CFAP58: variants seen among roughly 807,000 people sequenced by gnomAD.
CFAP58 encodes the protein cilia and flagella associated protein 58, also known as cilia- and flagella-associated protein 58.
In CFAP58, 88 loss-of-function variants were observed where a neutral mutation model predicts 119.5. The observed-to-expected ratio is 0.74, with a 90% confidence interval of 0.62 to 0.88. CFAP58 has a LOEUF of 0.88. Among genes scored for constraint, CFAP58 ranks in the 40% least tolerant of loss-of-function variants. The probability of loss-of-function intolerance (pLI) is 0.00; values close to 1 mark genes in which losing one functional copy is unlikely to be tolerated. For synonymous variants in CFAP58, 365 were observed against 366.3 expected (o/e 1.00, Z 0.04); for missense variants, 990 against 1,021.2 (o/e 0.97, Z 0.42).
chr10:104,395,628 C>T (rs2133036217), intron 11 of CFAP58, among the ~76,000 whole-genome samples: 1 of 152,264 alleles, frequency 6.6e-6, no homozygotes, highest in Non-Finnish European at 1.5e-5. Flanking sequence ...TGAGTTTTAG[C>T]CTCTTGACTT....
rs2012617405 is a variant in CFAP58 at position 104,419,432 on chromosome 10, G to T, written c.2256+12639G>T. 2.6e-5 allele frequency among the ~76,000 whole-genome samples: 4 copies of T among 152,096 alleles called. No homozygotes were observed. The South Asian group carries it at 8.3e-4, about 32-fold the overall frequency. ...TAGTGGTTCCCAAATGCTGATCTGA[G>T]GGCCAGGAGAAATGATACGGTCCCA... is the stretch of plus-strand genomic sequence containing the variant. On this transcript the variant is annotated intron_variant, in intron 15 of 17. Transcript: ENST00000369704.
At chr10:104,360,852 A>G (rs565380722) in intron 2 of CFAP58, among the ~76,000 whole-genome samples, 2 of 152,302 alleles carry the variant, frequency 1.3e-5, no homozygotes, top group African/African-American at 4.8e-5. Flanking sequence ...CATGGTTTAT[A>G]TGTACTCTTT....
rs1333517856 is a variant in CFAP58 at position 104,376,878 on chromosome 10, G to A, written c.1158G>A (p.Arg386=). ...CAATGGACGAGCTTCTAAGAGAAAG[G>A]GACATACTAAATAAGGTGAGTGTGT... is the stretch of plus-strand genomic sequence containing the variant. The part of the protein sequence containing the change: ...RKAMDELLRE[R]DILNKNMLKA... Residue 386 remains arginine (R), a synonymous_variant, in exon 8 of 18, where the codon AGG becomes AGA. Coordinates refer to ENST00000369704, the MANE Select transcript of CFAP58 (RefSeq NM_001008723.2). The A allele has an allele frequency of 1.1e-5, 17 of 1,612,554 alleles. No homozygotes were observed. Among genetic ancestry groups the A allele is most frequent in the Non-Finnish European group, 1.4e-5 (17 of 1,178,998 alleles).
chr10:104,428,337 G>T (rs2012785536), intron 15 of CFAP58, among the ~76,000 whole-genome samples: 1 of 152,156 alleles, frequency 6.6e-6, no homozygotes. Context: ...GCCCCAAAGG[G>T]AAGAGATGTG....
intron 1 of CFAP58, among the ~76,000 whole-genome samples, chr10:104,354,760 A>C (rs1305685872): frequency 6.6e-6 from 1 of 152,158 alleles, no homozygotes; most frequent in African/African-American, 2.4e-5. Context: ...AAAAATTACA[A>C]ATAATTTTAA....
intron 13 of CFAP58, among the ~76,000 whole-genome samples, chr10:104,401,610 C>G (rs910682729): frequency 5.3e-5 from 8 of 152,186 alleles, no homozygotes; most frequent in African/African-American, 1.9e-4. Flanking sequence ...TGTAGATGAA[C>G]AGTATCCTTG....
chr10:104,340,642 G>C, the CFAP58 span, among the ~76,000 whole-genome samples: 4 of 152,224 alleles, frequency 2.6e-5, no homozygotes, highest in Non-Finnish European at 4.4e-5. Context: ...GCTTCGAACA[G>C]TGAAAGGCTG....
chr10:104,373,662 G>A (rs1329215143), intron 7 of CFAP58, among the ~76,000 whole-genome samples: 3 of 151,962 alleles, frequency 2.0e-5, no homozygotes, highest in Admixed American at 2.0e-4. Flanking sequence ...AAAATTCAGT[G>A]AGTTATGTTG....
intron 15 of CFAP58, among the ~76,000 whole-genome samples, chr10:104,430,206 C>T (rs183638591): frequency 6.6e-5 from 10 of 152,318 alleles, no homozygotes; most frequent in East Asian, 1.9e-4. Context: ...ACTTGTTGGT[C>T]GCTTTCTTTG....
intron 15 of CFAP58, among the ~76,000 whole-genome samples, chr10:104,426,782 T>C (rs2012757783): frequency 6.6e-6 from 1 of 152,344 alleles, no homozygotes; most frequent in Non-Finnish European, 1.5e-5. Context: ...TACTTGTTTG[T>C]ATCCAACCTA....
intron 15 of CFAP58, among the ~76,000 whole-genome samples, chr10:104,418,168 T>C (rs1434730661): frequency 2.0e-5 from 3 of 152,220 alleles, no homozygotes; most frequent in Non-Finnish European, 4.4e-5. Context: ...GTTGAATTGT[T>C]GTGAAGGTAC....
intron 8 of CFAP58, 124 bp downstream of exon 8, chr10:104,377,017 T>C (rs939607988): frequency 3.1e-6 from 2 of 654,688 alleles, no homozygotes; most frequent in Admixed American, 2.8e-5. Context: ...GAATAAATAA[T>C]AGTGCTTAAT....
chr10:104,447,600 T>C (rs1280058909), intron 15 of CFAP58, 98 bp from the exon 16 acceptor site: 10 of 1,459,342 alleles, frequency 6.9e-6, no homozygotes, highest in Non-Finnish European at 9.4e-6. Flanking sequence ...GTGAAGTAGC[T>C]TGGGCCACTC....
chr10:104,444,900 C>G (rs2013089900), intron 15 of CFAP58, among the ~76,000 whole-genome samples: 1 of 152,186 alleles, frequency 6.6e-6, no homozygotes, highest in South Asian at 2.1e-4. Flanking sequence ...AACTTTTTGA[C>G]TTTGACTACC....
intron 7 of CFAP58, among the ~76,000 whole-genome samples, chr10:104,371,957 G>A (rs1052642218): frequency 1.4e-4 from 21 of 152,066 alleles, no homozygotes; most frequent in Admixed American, 2.6e-4. Flanking sequence ...GACAACATAC[G>A]TAAAAGCACA....
the CFAP58 span, among the ~76,000 whole-genome samples, chr10:104,340,765 G>A: frequency 2.6e-5 from 4 of 152,154 alleles, no homozygotes; most frequent in Non-Finnish European, 5.9e-5. Context: ...AGGACCAGGG[G>A]TGAGTACCCA....
At chr10:104,378,910 G>C (rs2011723769) in intron 8 of CFAP58, among the ~76,000 whole-genome samples, 1 of 133,154 alleles carries the variant, frequency 7.5e-6, no homozygotes. Context: ...CTCCAGTGCA[G>C]CTTAAAAAAA....
chr10:104,399,810 T>C (rs1323396407), intron 12 of CFAP58, among the ~76,000 whole-genome samples: 2 of 152,108 alleles, frequency 1.3e-5, no homozygotes, highest in East Asian at 3.9e-4. Flanking sequence ...AATTAATAAT[T>C]ACATGATTTG....
chr10:104,430,176 A>C (rs1423649602), intron 15 of CFAP58, among the ~76,000 whole-genome samples: 3 of 152,230 alleles, frequency 2.0e-5, no homozygotes. Context: ...CGAATGATGT[A>C]CTTAAGTTAG....
Sources: gnomAD v4.1 joint callset for allele counts (sites outside exome capture counted in the v4.1 genomes callset) on GRCh38, gnomAD v4.1.1 for gene constraint, MANE v1.5 for transcripts, NCBI Gene and HGNC (gene_info 2026-07-23, HGNC 2026-07-21) for gene names.